Variants in NAA11 observed in about 807,000 individuals in gnomAD.
The protein encoded by NAA11 is N-alpha-acetyltransferase 11.
Under a neutral mutation model 16.1 loss-of-function variants are expected in NAA11, and 15 were observed. That is an observed-to-expected ratio of 0.93 (90% CI 0.62 to 1.44). The LOEUF (loss-of-function observed/expected upper bound fraction) is 1.44. Among genes scored for constraint, NAA11 ranks in the 40% most tolerant of loss-of-function variants. The probability of loss-of-function intolerance (pLI) is 0.00; values close to 1 mark genes in which losing one functional copy is unlikely to be tolerated. For synonymous variants in NAA11, 122 were observed against 112.4 expected, an observed-to-expected ratio of 1.09 and a Z score of -0.54; for missense variants, 298 against 291.3, an observed-to-expected ratio of 1.02 and a Z score of -0.17.
the NAA11 span, among the ~76,000 whole-genome samples, chr4:79,169,545 C>T: frequency 1.3e-5 from 2 of 152,258 alleles, no homozygotes; most frequent in East Asian, 3.9e-4. Flanking sequence ...GTAAAACTGG[C>T]TAGCCATATG....
the NAA11 span, among the ~76,000 whole-genome samples, chr4:79,192,431 A>T: frequency 8.1e-6 from 1 of 123,154 alleles, no homozygotes; most frequent in East Asian, 2.5e-4. Flanking sequence ...TCCTGTGTCC[A>T]TGTGTTCTCA....
chr4:79,191,376 C>T, the NAA11 span, among the ~76,000 whole-genome samples: 5 of 151,004 alleles, frequency 3.3e-5, no homozygotes, highest in African/African-American at 7.3e-5. Context: ...GCCATTCTGA[C>T]TGGTGTGAGA....
the NAA11 span, among the ~76,000 whole-genome samples, chr4:79,175,770 C>T: frequency 6.8e-6 from 1 of 146,964 alleles, no homozygotes; most frequent in African/African-American, 2.5e-5. Flanking sequence ...AAAAAGATAC[C>T]AGCTCCAGTG....
At chr4:79,265,177 T>C (rs1395623470) in intron 2 of NAA11, among the ~76,000 whole-genome samples, 3 of 152,202 alleles carry the variant, frequency 2.0e-5, no homozygotes, top group East Asian at 1.9e-4. Context: ...ACAAATCCTA[T>C]TGGCTTTACC....
the NAA11 span, among the ~76,000 whole-genome samples, chr4:79,192,039 A>G: frequency 2.0e-5 from 3 of 152,054 alleles, no homozygotes; most frequent in African/African-American, 7.2e-5. Flanking sequence ...TCATTGGTCT[A>G]TGTGCCTGTT....
At chr4:79,207,936 C>T in the NAA11 span, among the ~76,000 whole-genome samples, 49 of 151,984 alleles carry the variant, frequency 3.2e-4, no homozygotes, top group African/African-American at 1.1e-3. Flanking sequence ...TAATATGATC[C>T]TCAGTGTAGG....
At chr4:79,184,935 T>TA in the NAA11 span, among the ~76,000 whole-genome samples, 3 of 152,200 alleles carry the variant, frequency 2.0e-5, no homozygotes, top group South Asian at 6.2e-4. Context: ...ATTATTTTAT[T>TA]AACTACATCT....
chr4:79,325,768 G>A lies in NAA11; in HGVS notation c.110C>T (p.Ser37Phe), dbSNP rs865824679. Residue 37 changes from serine (S) to phenylalanine (F), a missense_variant, in exon 1 of 2, where the codon TCC becomes TTC. Coordinates refer to ENST00000286794, the MANE Select transcript of NAA11 (RefSeq NM_032693.3). ...QMKYYLYHGL[S>F]WPQLSYIAED... ...AGCGATGTAAGAAAGCTGGGGCCAG[G>A]AAAGGCCATGATATAAATAGTATTT... is the stretch of plus-strand genomic sequence containing the variant. 5 of 1,614,224 alleles carry A rather than the reference G, an allele frequency of 3.1e-6. No individual in the cohort carries two copies. The highest frequency in any genetic ancestry group is 3.4e-6 in the Non-Finnish European group (4 of 1,180,032).
chr4:79,157,934 C>T, the NAA11 span, among the ~76,000 whole-genome samples: 1 of 138,370 alleles, frequency 7.2e-6, no homozygotes, highest in Admixed American at 7.5e-5. Flanking sequence ...CGGAGTCTTG[C>T]TCTTCACCCA....
the NAA11 span, among the ~76,000 whole-genome samples, chr4:79,167,276 G>T: frequency 0.021 from 2,707 of 128,740 alleles, 104 homozygotes; most frequent in African/African-American, 0.085. Flanking sequence ...TATATAGAGA[G>T]AGAGAGAGAG....
intron 1 of NAA11, among the ~76,000 whole-genome samples, chr4:79,311,354 G>A (rs1723764234): frequency 6.6e-6 from 1 of 152,026 alleles, no homozygotes; most frequent in African/African-American, 2.4e-5. Context: ...ACAAACAGAG[G>A]ATCCAATACA....
intron 2 of NAA11, among the ~76,000 whole-genome samples, chr4:79,240,514 A>G (rs1479311396): frequency 6.6e-6 from 1 of 152,144 alleles, no homozygotes; most frequent in Non-Finnish European, 1.5e-5. Flanking sequence ...ATAATACCCT[A>G]CTCACAGAAT....
the NAA11 span, among the ~76,000 whole-genome samples, chr4:79,203,668 A>T: frequency 6.6e-6 from 1 of 151,548 alleles, no homozygotes. Flanking sequence ...ACATATAACC[A>T]CAGGGGCAGA....
At chr4:79,309,106 GTT>G (rs1458855692) in intron 1 of NAA11, among the ~76,000 whole-genome samples, 1 of 143,748 alleles carries the variant, frequency 7.0e-6, no homozygotes, top group African/African-American at 2.9e-5. Flanking sequence ...CATACCTATA[GTT>G]AATTACTGGT....
At chr4:79,298,811 A>G (rs1723304357) in intron 1 of NAA11, among the ~76,000 whole-genome samples, 1 of 152,262 alleles carries the variant, frequency 6.6e-6, no homozygotes. Flanking sequence ...CAAAGGTGTC[A>G]TCGGCCACAG....
At chr4:79,312,533 C>T (rs913387570), downstream of NAA11, among the ~76,000 whole-genome samples, 18 of 150,662 alleles carry the variant, frequency 1.2e-4, no homozygotes, top group African/African-American at 4.4e-4. Context: ...TACCTGTAGT[C>T]TCAGCTACTC....
intron 1 of NAA11, among the ~76,000 whole-genome samples, chr4:79,319,925 T>C (rs748867003): frequency 8.5e-5 from 13 of 152,228 alleles, no homozygotes; most frequent in Non-Finnish European, 1.6e-4. Context: ...CATGTGAACA[T>C]TTAACAACTT....
chr4:79,161,958 G>A, the NAA11 span, among the ~76,000 whole-genome samples: 2 of 152,176 alleles, frequency 1.3e-5, no homozygotes, highest in African/African-American at 4.8e-5. Flanking sequence ...TGGGATTAGA[G>A]GCGTGAGCCA....
At chr4:79,304,755 G>T (rs781696351) in intron 1 of NAA11, among the ~76,000 whole-genome samples, 14 of 152,114 alleles carry the variant, frequency 9.2e-5, no homozygotes, top group Non-Finnish European at 1.8e-4. Flanking sequence ...TGAAACACTT[G>T]AATCTAGGTA....
Sources: gnomAD v4.1 joint callset for allele counts (sites outside exome capture counted in the v4.1 genomes callset) on GRCh38, gnomAD v4.1.1 for gene constraint, MANE v1.5 for transcripts, NCBI Gene and HGNC (gene_info 2026-07-23, HGNC 2026-07-21) for gene names.